The following TRAM1L1 variants were observed in gnomAD, a reference collection of about 807,000 sequenced individuals.
The protein encoded by TRAM1L1 is translocation associated membrane protein 1 like 1.
For missense variants in TRAM1L1, 451 were observed against 439.9 expected, an observed-to-expected ratio of 1.03 and a Z score of -0.23; for synonymous variants, 189 against 163.6, an observed-to-expected ratio of 1.16 and a Z score of -1.18.
rs1291509497 is a variant in TRAM1L1, at chr4:117,085,023, T to C, written c.371A>G (p.Gln124Arg). 1.2e-6 allele frequency: 2 copies of C among 1,613,972 alleles called. No homozygotes were observed. Among genetic ancestry groups the C allele is most frequent in the Non-Finnish European group, 1.7e-6 (2 of 1,180,032 alleles). Reference sequence around the variant, plus strand: ...AGAAAAAAAGTAGAACACACTAAACTGACCAGACTCGTTAAACTTGTTTTG... The same window carrying C: ...AGAAAAAAAGTAGAACACACTAAACCGACCAGACTCGTTAAACTTGTTTTG... Reference protein sequence around the residue: ...AKQNKFNESGQFSVFYFFSCI... With the variant: ...AKQNKFNESGRFSVFYFFSCI... Residue 124 changes from glutamine (Q) to arginine (R), a missense_variant, in exon 1 of 1, where the codon CAG (glutamine) becomes CGG (arginine). Gln to Arg is a conservative substitution (Grantham distance 43). Transcript: ENST00000310754.
chr4:117,084,443 A>G lies in TRAM1L1; in HGVS notation c.951T>C (p.Thr317=). The G allele has an allele frequency of 1.2e-6, 2 of 1,614,210 alleles. No individual in the cohort carries two copies. Among genetic ancestry groups the G allele is most frequent in the African/African-American group, 1.3e-5 (1 of 75,050 alleles). The part of the protein sequence containing the change: ...IQAYVTWNLI[T]LWLQRWVEDS... ...CTTCTACCCACCTCTGAAGCCAGAG[A>G]GTAATTAAGTTCCATGTTACGTAGG... Residue 317 remains threonine (T), a synonymous_variant, in exon 1 of 1, where the codon ACT becomes ACC. Coordinates refer to ENST00000310754, the MANE Select transcript of TRAM1L1 (RefSeq NM_152402.3).
chr4:117,085,212 G>A lies in TRAM1L1; in HGVS notation c.182C>T (p.Ala61Val), dbSNP rs1478014110. The A allele has an allele frequency of 6.2e-7, 1 of 1,613,970 alleles. No individual in the cohort carries two copies. Among genetic ancestry groups the A allele is most frequent in the East Asian group, 2.2e-5 (1 of 44,862 alleles). ...TGAGCCCGTGGCTTGTTCCTCTGCT[G>A]CAGGGACAGCAACACTGTGCTGAAG... The part of the protein sequence containing the change: ...LTLQHSVAVP[A>V]AEEQATGSKS... The change falls in exon 1 of 1, where the codon GCA (alanine) becomes GTA (valine). Residue 61 changes from alanine (A) to valine (V), a missense_variant. Ala to Val is a moderately conservative substitution (Grantham distance 64). Coordinates refer to ENST00000310754, the MANE Select transcript of TRAM1L1 (RefSeq NM_152402.3).
chr4:117,085,440 C>A lies in TRAM1L1; in HGVS notation c.-47G>T, dbSNP rs748541721. 6.4e-6 allele frequency: 10 copies of A among 1,568,452 alleles called. No individual in the cohort carries two copies. Among genetic ancestry groups the A allele is most frequent in the Non-Finnish European group, 8.7e-6 (10 of 1,154,290 alleles). On this transcript the variant is annotated 5_prime_UTR_variant, in exon 1 of 1. In the 5' UTR this introduces an upstream ATG that the reference lacks. Transcript: ENST00000310754. Reference sequence around the variant, plus strand: ...ACCGGCGAGCCGCAGCTGCCTCCCCCTGGCTGCTCCTCACAGCGCCGCCGC... The same window carrying A: ...ACCGGCGAGCCGCAGCTGCCTCCCCATGGCTGCTCCTCACAGCGCCGCCGC...
At position 117,084,879 on chromosome 4, in the gene TRAM1L1, T is replaced by C. The variant is rs1732419442; in HGVS notation, c.515A>G (p.Gln172Arg). The C allele has an allele frequency of 3.7e-6, 6 of 1,614,054 alleles. No individual in the cohort carries two copies. The highest frequency in any genetic ancestry group is 5.1e-6 in the Non-Finnish European group (6 of 1,180,034). The change falls in exon 1 of 1, where the codon CAG becomes CGG. Residue 172 changes from glutamine (Q) to arginine (R), a missense_variant. By Grantham distance (43) the Gln-to-Arg change is conservative. Transcript: ENST00000310754. ...TFQMKFFYIS[Q>R]LAYWFHAFPE... Reference sequence around the variant, plus strand: ...AAAAGCATGAAACCAGTAAGCCAACTGGGATATGTAGAAAAACTTCATTTG... The same window carrying C: ...AAAAGCATGAAACCAGTAAGCCAACCGGGATATGTAGAAAAACTTCATTTG...
In TRAM1L1 at chr4:117,085,544, A is replaced by C; in HGVS notation, c.-151T>G. On this transcript the variant is annotated 5_prime_UTR_variant, in exon 1 of 1. In the 5' UTR this introduces an upstream ATG that the reference lacks. Transcript: ENST00000310754. ...GCAGCGGCCGCCCAGAAAAAAAATA[A>C]ATCAAAGGCGAGGGCCGAGCTGAGC... 9.1e-7 allele frequency: 1 copy of C among 1,098,602 alleles called. No homozygotes were observed. The highest frequency in any genetic ancestry group is 1.7e-5 in the South Asian group (1 of 60,050). The allele number at this position is 1,098,602 out of a possible 1,614,324, so 68.1% of individuals were successfully genotyped here.
In TRAM1L1 at chr4:117,084,819, T is replaced by A. The variant is rs1442618693; in HGVS notation, c.575A>T (p.Asp192Val). ...ELYFQKTKKQ[D>V]IPRQLVYIGL... ...AATGTAGACAAGTTGACGAGGGATG[T>A]CTTGTTTTTTGGTTTTCTGGAAGTA... Residue 192 changes from aspartate (D) to valine (V), a missense_variant, in exon 1 of 1, where the codon GAC (aspartate) becomes GTC (valine). Asp to Val is a radical substitution (Grantham distance 152, BLOSUM62 -3). Coordinates refer to ENST00000310754, the MANE Select transcript of TRAM1L1 (RefSeq NM_152402.3). 1.2e-6 allele frequency: 2 copies of A among 1,614,058 alleles called. No individual in the cohort carries two copies. The highest frequency in any genetic ancestry group is 4.5e-5 in the East Asian group (2 of 44,882).
At position 117,084,323 on chromosome 4, in the gene TRAM1L1, T is replaced by A; in HGVS notation, c.1071A>T (p.Arg357Ser). 6.2e-7 allele frequency: 1 copy of A among 1,613,824 alleles called. No homozygotes were observed. The change falls in exon 1 of 1, where the codon AGA becomes AGT. Residue 357 changes from arginine to serine, a missense_variant. Transcript: ENST00000310754. ...CTTTCCTCTTTGGCGGACAGTCTAC[T>A]CTATTTGAAGTTTCCACTCCCACTC... ...ENGVGVETSN[R>S]VDCPPKRKEK...
rs1025102777 is a variant in TRAM1L1, at chr4:117,085,180, G to A, written c.214C>T (p.Leu72Phe). 2 of 1,614,056 alleles carry A rather than the reference G, an allele frequency of 1.2e-6. No homozygotes were observed. Among genetic ancestry groups the A allele is most frequent in the Middle Eastern group, 1.6e-4 (1 of 6,062 alleles). Residue 72 changes from leucine (L) to phenylalanine (F), a missense_variant, in exon 1 of 1, where the codon CTC becomes TTC. Coordinates refer to ENST00000310754, the MANE Select transcript of TRAM1L1 (RefSeq NM_152402.3). Reference sequence around the variant, plus strand: ...AAATCTTTGACACCATAATAATAGAGGGACTTTGAGCCCGTGGCTTGTTCC... The same window carrying A: ...AAATCTTTGACACCATAATAATAGAAGGACTTTGAGCCCGTGGCTTGTTCC... ...AEEQATGSKS[L>F]YYYGVKDLAT...
Position 117,085,144 on chromosome 4 carries a change from A to T in TRAM1L1, c.250T>A (p.Phe84Ile). ...YYGVKDLATV[F>I]FYMLVAIIIH... is the part of the protein sequence containing the mutation. ...ATGATTGCCACCAGCATGTAGAAGA[A>T]AACCGTGGCCAAATCTTTGACACCA... is the stretch of plus-strand genomic sequence containing the variant. The change falls in exon 1 of 1, where the codon TTC (phenylalanine) becomes ATC (isoleucine). Residue 84 changes from phenylalanine to isoleucine, a missense_variant. By Grantham distance (21) the Phe-to-Ile change is conservative. Coordinates refer to ENST00000310754, the MANE Select transcript of TRAM1L1 (RefSeq NM_152402.3). 6.2e-7 allele frequency: 1 copy of T among 1,614,148 alleles called. No individual in the cohort carries two copies. The highest frequency in any genetic ancestry group is 8.5e-7 in the Non-Finnish European group (1 of 1,180,018).
At position 117,084,313 on chromosome 4, in the gene TRAM1L1, G is replaced by C. The variant is rs1355316214; in HGVS notation, c.1081C>G (p.Pro361Ala). ...GAAGATTTCTCTTTCCTCTTTGGCG[G>C]ACAGTCTACTCTATTTGAAGTTTCC... Reference protein sequence around the residue: ...GVETSNRVDCPPKRKEKSS With the variant: ...GVETSNRVDCAPKRKEKSS The change falls in exon 1 of 1, where the codon CCG becomes GCG. Residue 361 changes from proline (P) to alanine (A), a missense_variant. Coordinates refer to ENST00000310754, the MANE Select transcript of TRAM1L1 (RefSeq NM_152402.3). The C allele has an allele frequency of 1.9e-6, 3 of 1,611,062 alleles. No individual in the cohort carries two copies. The Admixed American group carries it at 5.1e-5, about 27-fold the overall frequency.
rs1297019814 is a variant in TRAM1L1, at chr4:117,084,699, A to G, written c.695T>C (p.Leu232Pro). Residue 232 changes from leucine (L) to proline (P), a missense_variant, in exon 1 of 1, where the codon CTT becomes CCT. By Grantham distance (98) the Leu-to-Pro change is moderately conservative (BLOSUM62 -3). Coordinates refer to ENST00000310754, the MANE Select transcript of TRAM1L1 (RefSeq NM_152402.3). ...LLVLHYFVEL[L>P]SHMCGLFYFS... is the part of the protein sequence containing the mutation. Reference sequence around the variant, plus strand: ...GTAAAACAGGCCGCACATGTGGGAAAGTAATTCAACAAAATAATGCAGTAC... The same window carrying G: ...GTAAAACAGGCCGCACATGTGGGAAGGTAATTCAACAAAATAATGCAGTAC... 1 of 1,614,108 alleles carries G rather than the reference A, an allele frequency of 6.2e-7. No homozygotes were observed.
chr4:117,085,010 G>T lies in TRAM1L1; in HGVS notation c.384C>A (p.Phe128Leu). 2 of 1,613,980 alleles carry T rather than the reference G, an allele frequency of 1.2e-6. No homozygotes were observed. The highest frequency in any genetic ancestry group is 8.5e-7 in the Non-Finnish European group (1 of 1,180,012). ...KFNESGQFSV[F>L]YFFSCIWGTF... The stretch of plus-strand genomic sequence containing the variant: ...TGCCCCAAATACAAGAAAAAAAGTA[G>T]AACACACTAAACTGACCAGACTCGT... The change falls in exon 1 of 1, where the codon TTC becomes TTA. Residue 128 changes from phenylalanine (F) to leucine (L), a missense_variant. Coordinates refer to ENST00000310754, the MANE Select transcript of TRAM1L1 (RefSeq NM_152402.3).
chr4:117,085,520 C>A lies in TRAM1L1; in HGVS notation c.-127G>T. The A allele has an allele frequency of 1.5e-6, 2 of 1,293,186 alleles. No homozygotes were observed. Among genetic ancestry groups the A allele is most frequent in the Non-Finnish European group, 2.1e-6 (2 of 948,470 alleles). 80.1% of individuals were successfully genotyped at this position (1,293,186 alleles called of 1,614,324 possible). Reference sequence around the variant, plus strand: ...CCATCCCGAAGTCAGTCCCGGGTCGCAGCGGCCGCCCAGAAAAAAAATAAA... The same window carrying A: ...CCATCCCGAAGTCAGTCCCGGGTCGAAGCGGCCGCCCAGAAAAAAAATAAA... On this transcript the variant is annotated 5_prime_UTR_variant, in exon 1 of 1. Transcript: ENST00000310754.
chr4:117,084,195 T>A lies in TRAM1L1; in HGVS notation c.*89A>T. 6 of 1,354,196 alleles carry A rather than the reference T, an allele frequency of 4.4e-6. No homozygotes were observed. The highest frequency in any genetic ancestry group is 6.0e-6 in the Non-Finnish European group (6 of 1,000,116). The allele number at this position is 1,354,196 out of a possible 1,614,324, so 83.9% of individuals were successfully genotyped here. A position where few individuals can be genotyped will look rare whatever the true frequency, so the allele number is the denominator to read the frequency against. On this transcript the variant is annotated 3_prime_UTR_variant, in exon 1 of 1. Transcript: ENST00000310754. ...ATAACAAAAACCGAAGAGCACGAAC[T>A]ATTTTCAAAAACAGAAAAATCTCTA...
chr4:117,085,117 T>A lies in TRAM1L1; in HGVS notation c.277A>T (p.Ile93Phe), dbSNP rs1361661794. ...VFFYMLVAII[I>F]HATIQEYVLD... is the part of the protein sequence containing the mutation. ...ACATATTCCTGAATTGTGGCATGAA[T>A]AATGATTGCCACCAGCATGTAGAAG... The change falls in exon 1 of 1, where the codon ATT (isoleucine) becomes TTT (phenylalanine). Residue 93 changes from isoleucine to phenylalanine, a missense_variant. Coordinates refer to ENST00000310754, the MANE Select transcript of TRAM1L1 (RefSeq NM_152402.3). The A allele has an allele frequency of 6.2e-7, 1 of 1,614,182 alleles. No homozygotes were observed. The highest frequency in any genetic ancestry group is 8.5e-7 in the Non-Finnish European group (1 of 1,180,030).
Position 117,084,614 on chromosome 4 carries a change from A to AC in TRAM1L1, c.779dup (p.Arg261Ter). ...CGGAAACAATTAAAGTCACAAGTCTACCCAAGATAAACACAATGGCCCACA... is the reference window on the plus strand; with the variant it reads ...CGGAAACAATTAAAGTCACAAGTCTACCCCAAGATAAACACAATGGCCCACA... On this transcript the variant is annotated frameshift_variant, in exon 1 of 1. Transcript: ENST00000310754. LOFTEE classifies it low-confidence loss of function (END_TRUNC). The AC allele has an allele frequency of 6.2e-7, 1 of 1,614,210 alleles. No individual in the cohort carries two copies. Among genetic ancestry groups the AC allele is most frequent in the Non-Finnish European group, 8.5e-7 (1 of 1,180,046 alleles).
At position 117,084,782 on chromosome 4, in the gene TRAM1L1, G is replaced by A; in HGVS notation, c.612C>T (p.Leu204=). 2 of 1,614,182 alleles carry A rather than the reference G, an allele frequency of 1.2e-6. No homozygotes were observed. The highest frequency in any genetic ancestry group is 1.1e-5 in the South Asian group (1 of 91,086). The change falls in exon 1 of 1, where the codon CTC becomes CTT. Residue 204 remains leucine, a synonymous_variant. Transcript: ENST00000310754. ...AGAGATAAGCTCCAGTAATGTGGAA[G>A]AGGTGAAGACCAATGTAGACAAGTT... The part of the protein sequence containing the change: ...PRQLVYIGLH[L]FHITGAYLLY...
rs1299962664 is a variant in TRAM1L1 at position 117,085,204 on chromosome 4, C to G, written c.190G>C (p.Glu64Gln). Residue 64 changes from glutamate to glutamine, a missense_variant, in exon 1 of 1, where the codon GAA becomes CAA. Coordinates refer to ENST00000310754, the MANE Select transcript of TRAM1L1 (RefSeq NM_152402.3). ...AGGGACTTTGAGCCCGTGGCTTGTT[C>G]CTCTGCTGCAGGGACAGCAACACTG... ...QHSVAVPAAE[E>Q]QATGSKSLYY... 3 of 1,613,962 alleles carry G rather than the reference C, an allele frequency of 1.9e-6. No individual in the cohort carries two copies. The highest frequency in any genetic ancestry group is 1.3e-5 in the African/African-American group (1 of 74,898).
rs778346224 is a variant in TRAM1L1 at position 117,084,950 on chromosome 4, G to C, written c.444C>G (p.Asp148Glu). 1 of 1,614,110 alleles carries C rather than the reference G, an allele frequency of 6.2e-7. No homozygotes were observed. The highest frequency in any genetic ancestry group is 8.5e-7 in the Non-Finnish European group (1 of 1,180,030). ...GACGAGCCTTCCATATAAGAGTTGG[G>C]TCTGACAGGCAGTTTTCAGAGATTA... ...FILISENCLSDPTLIWKARPH... is the reference protein window; with the variant it reads ...FILISENCLSEPTLIWKARPH... The change falls in exon 1 of 1, where the codon GAC (aspartate) becomes GAG (glutamate). Residue 148 changes from aspartate (D) to glutamate (E), a missense_variant. Asp to Glu is a conservative substitution (Grantham distance 45). Coordinates refer to ENST00000310754, the MANE Select transcript of TRAM1L1 (RefSeq NM_152402.3).
Sources: gnomAD v4.1 joint callset for allele counts on GRCh38, gnomAD v4.1.1 for gene constraint, MANE v1.5 for transcripts, NCBI Gene and HGNC (gene_info 2026-07-23, HGNC 2026-07-21) for gene names.